KIAA1217: variants seen among roughly 807,000 people sequenced by gnomAD.
KIAA1217 encodes the protein sickle tail protein homolog.
KIAA1217 carries 88 observed loss-of-function variants against 163.9 expected under a neutral mutation model. The ratio of observed to expected loss-of-function variants is 0.54; its 90% CI spans 0.45 to 0.64. The LOEUF (loss-of-function observed/expected upper bound fraction) is 0.64. KIAA1217 is among the 30% of genes least tolerant of loss of function. The pLI, the probability that KIAA1217 is intolerant of heterozygous loss-of-function variation, is 0.00. For synonymous variants in KIAA1217, 903 were observed against 923.1 expected, an observed-to-expected ratio of 0.98 and a Z score of 0.39; for missense variants, 2,372 against 2,475.0, an observed-to-expected ratio of 0.96 and a Z score of 0.88.
At chr10:24,141,156 T>C (rs1351401985) in intron 2 of KIAA1217, among the ~76,000 whole-genome samples, 1 of 150,196 alleles carries the variant, frequency 6.7e-6, no homozygotes, top group Admixed American at 6.7e-5. Flanking sequence ...AGAGACACCC[T>C]AAGGAGAATC....
At chr10:24,006,483 C>T (rs1417786402) in intron 1 of KIAA1217, among the ~76,000 whole-genome samples, 1 of 152,158 alleles carries the variant, frequency 6.6e-6, no homozygotes, top group Non-Finnish European at 1.5e-5. Flanking sequence ...TCAAGTAAAT[C>T]ACTATAGTTT....
intron 2 of KIAA1217, among the ~76,000 whole-genome samples, chr10:24,062,275 C>T (rs1369657999): frequency 2.2e-5 from 3 of 138,094 alleles, no homozygotes; most frequent in East Asian, 4.6e-4. Flanking sequence ...TCTCCTAATG[C>T]TATCCCTCCC....
chr10:24,199,692 G>C (rs932042045), intron 2 of KIAA1217, among the ~76,000 whole-genome samples: 11 of 152,152 alleles, frequency 7.2e-5, no homozygotes, highest in African/African-American at 2.7e-4. Context: ...AGCTGTGTGT[G>C]TATGTGTCTG....
At chr10:24,096,607 G>A (rs1045327805) in intron 2 of KIAA1217, among the ~76,000 whole-genome samples, 22 of 152,068 alleles carry the variant, frequency 1.4e-4, no homozygotes, top group Non-Finnish European at 2.4e-4. Context: ...TTTATCCTCT[G>A]TGTACTTCCC....
In KIAA1217 at chr10:24,501,362, A is replaced by T. The variant is rs1209537965; in HGVS notation, c.1835-17A>T. Reference sequence around the variant, plus strand: ...CCTTTGTGGCCTTCTGAGTTCTCTGATGCACTTTTCTCATAGGAACGCCCC... The same window carrying T: ...CCTTTGTGGCCTTCTGAGTTCTCTGTTGCACTTTTCTCATAGGAACGCCCC... On this transcript the variant is annotated splice_polypyrimidine_tract_variant and intron_variant, in intron 8 of 20. Coordinates refer to ENST00000376454, the MANE Select transcript of KIAA1217 (RefSeq NM_019590.5). 6.3e-7 allele frequency: 1 copy of T among 1,599,824 alleles called. No homozygotes were observed. The highest frequency in any genetic ancestry group is 8.6e-7 in the Non-Finnish European group (1 of 1,168,746).
At chr10:23,803,617 A>G (rs1293925674) in intron 1 of KIAA1217, among the ~76,000 whole-genome samples, 1 of 152,110 alleles carries the variant, frequency 6.6e-6, no homozygotes, top group Non-Finnish European at 1.5e-5. Flanking sequence ...GTGCAGATGC[A>G]TTTTGATCTC....
chr10:24,144,377 A>G (rs1376626553), intron 2 of KIAA1217, among the ~76,000 whole-genome samples: 3 of 152,248 alleles, frequency 2.0e-5, no homozygotes, highest in Non-Finnish European at 2.9e-5. Flanking sequence ...AAATTAATGT[A>G]GAGTGAACTC....
chr10:23,792,668 AT>A (rs898188577), intron 1 of KIAA1217, among the ~76,000 whole-genome samples: 4,808 of 129,324 alleles, frequency 0.037, 137 homozygotes, highest in African/African-American at 0.087. Flanking sequence ...AATTTTTTGT[AT>A]TTTTTTTTTT....
intron 2 of KIAA1217, chr10:24,255,329 C>T (rs2075024778): frequency 6.7e-6 from 2 of 298,500 alleles, no homozygotes; most frequent in Admixed American, 9.5e-5. Context: ...CTGTGAATCA[C>T]ACTTCAAATC....
At chr10:24,304,202 T>A (rs2041727121) in intron 2 of KIAA1217, among the ~76,000 whole-genome samples, 1 of 143,372 alleles carries the variant, frequency 7.0e-6, no homozygotes, top group Admixed American at 6.8e-5. Flanking sequence ...CATATTAGGT[T>A]ACCTTTTTTT....
At chr10:24,132,161 T>G (rs926014308) in intron 2 of KIAA1217, among the ~76,000 whole-genome samples, 4 of 152,174 alleles carry the variant, frequency 2.6e-5, no homozygotes, top group Admixed American at 2.0e-4. Context: ...GGGTCCAGAC[T>G]TGACAGTGAT....
chr10:24,012,418 A>G (rs570280267), intron 2 of KIAA1217, among the ~76,000 whole-genome samples: 2 of 152,300 alleles, frequency 1.3e-5, no homozygotes, highest in South Asian at 2.1e-4. Flanking sequence ...TGATCCTGCT[A>G]AAACTGAGCC....
intron 2 of KIAA1217, among the ~76,000 whole-genome samples, chr10:24,018,204 C>G (rs1589240595): frequency 6.6e-6 from 1 of 151,870 alleles, no homozygotes; most frequent in South Asian, 2.1e-4. Context: ...AAGTGAGAAC[C>G]CATTAGCAAA....
chr10:24,018,009 T>G (rs1043075245), intron 2 of KIAA1217, among the ~76,000 whole-genome samples: 1 of 152,136 alleles, frequency 6.6e-6, no homozygotes, highest in African/African-American at 2.4e-5. Flanking sequence ...GTTACCTTTG[T>G]AGCCCCCCAA....
At chr10:24,388,844 T>A (rs55648061) in intron 3 of KIAA1217, among the ~76,000 whole-genome samples, 63,018 of 132,468 alleles carry the variant, frequency 0.48, 17,495 homozygotes, top group African/African-American at 0.76. Flanking sequence ...TGCAAATCAA[T>A]CCACAATGAG....
At chr10:23,858,735 G>C (rs966224975) in intron 1 of KIAA1217, among the ~76,000 whole-genome samples, 1 of 151,984 alleles carries the variant, frequency 6.6e-6, no homozygotes, top group Non-Finnish European at 1.5e-5. Context: ...CCCACCACTC[G>C]GTCCTTTTAC....
chr10:24,178,830 A>G (rs2066033428), intron 2 of KIAA1217, among the ~76,000 whole-genome samples: 2 of 152,168 alleles, frequency 1.3e-5, no homozygotes, highest in Admixed American at 1.3e-4. Context: ...TATGTTATGG[A>G]GAATTTTTTT....
At chr10:23,758,649 CCT>C (rs1421914358) in intron 1 of KIAA1217, among the ~76,000 whole-genome samples, 3 of 89,296 alleles carry the variant, frequency 3.4e-5, no homozygotes, top group Admixed American at 1.2e-4. Context: ...TCTCTCTCCC[CCT>C]CCCTCCCTCC....
Position 24,156,510 on chromosome 10 carries a change from A to G in KIAA1217, c.-170-63116A>G, listed in dbSNP as rs1261175264. Among the ~76,000 whole-genome samples the G allele has an allele frequency of 9.2e-5, 14 of 152,252 alleles. No homozygotes were observed. In the East Asian group the frequency reaches 2.5e-3, roughly 27 times the overall value. On this transcript the variant is annotated intron_variant, in intron 2 of 18. Coordinates refer to the KIAA1217 transcript ENST00000376462. ...TATTTTGACATTTGAAACCTTGCTG[A>G]TCTTAGAGACATTGCCTCTCCCAAG...
Sources: gnomAD v4.1 joint callset for allele counts (sites outside exome capture counted in the v4.1 genomes callset) on GRCh38, gnomAD v4.1.1 for gene constraint, MANE v1.5 for transcripts, NCBI Gene and HGNC (gene_info 2026-07-23, HGNC 2026-07-21) for gene names.